NLGN4X: variants seen among roughly 807,000 people sequenced by gnomAD.
The protein encoded by NLGN4X is neuroligin 4 X-linked.
NLGN4X carries 3 observed loss-of-function variants against 40.3 expected under a neutral mutation model. That is an observed-to-expected ratio of 0.07 (90% CI 0.03 to 0.19). The LOEUF (loss-of-function observed/expected upper bound fraction) is 0.19. Ranked by LOEUF, NLGN4X falls within the 10% of genes least tolerant of loss-of-function variation. NLGN4X has a pLI of 1.00. For synonymous variants in NLGN4X, 270 were observed against 306.8 expected, an observed-to-expected ratio of 0.88 and a Z score of 1.25; for missense variants, 382 against 708.3, an observed-to-expected ratio of 0.54 and a Z score of 5.23.
At chrX:6,211,030 G>C (rs1246090186) in intron 1 of NLGN4X, among the ~76,000 whole-genome samples, 1 of 112,512 alleles carries the variant, frequency 8.9e-6, no homozygotes, top group African/African-American at 3.2e-5. Flanking sequence ...AAATATGAAT[G>C]AAGTTAGATA....
intron 4 of NLGN4X, among the ~76,000 whole-genome samples, chrX:5,905,808 T>A (rs1386019448): frequency 8.9e-6 from 1 of 111,962 alleles, no homozygotes; most frequent in Admixed American, 9.5e-5. Flanking sequence ...GCCTCCCAAG[T>A]AGCTGGGACA....
chrX:5,975,486 G>A (rs535696868), intron 3 of NLGN4X, among the ~76,000 whole-genome samples: 1 of 109,234 alleles, frequency 9.2e-6, no homozygotes, highest in Admixed American at 9.9e-5. Context: ...AGTGGTGGGT[G>A]CCTGTAATCC....
At chrX:6,052,801 A>G (rs916846606) in intron 2 of NLGN4X, among the ~76,000 whole-genome samples, 2 of 112,660 alleles carry the variant, frequency 1.8e-5, no homozygotes, top group Non-Finnish European at 3.7e-5. Context: ...ACAGCAGCAC[A>G]TTATTTCTGC....
intron 1 of NLGN4X, among the ~76,000 whole-genome samples, chrX:6,178,712 T>C (rs755165301): frequency 6.0e-4 from 68 of 112,607 alleles, no homozygotes; most frequent in Non-Finnish European, 1.3e-4. Context: ...GCCACCATCA[T>C]AGCCATCGTG....
chrX:5,904,078 C>T (rs1264353680), intron 4 of NLGN4X, among the ~76,000 whole-genome samples: 5 of 108,809 alleles, frequency 4.6e-5, no homozygotes, highest in African/African-American at 1.7e-4. Flanking sequence ...TGTTATTCTA[C>T]ACACACACAC....
chrX:6,091,335 T>C (rs1338966034), intron 2 of NLGN4X, among the ~76,000 whole-genome samples: 1 of 111,440 alleles, frequency 9.0e-6, no homozygotes, highest in Non-Finnish European at 1.9e-5. Flanking sequence ...AGCATCTTTT[T>C]AAAATAAGAT....
chrX:6,111,724 C>G (rs1012453823), intron 2 of NLGN4X, among the ~76,000 whole-genome samples: 2 of 111,054 alleles, frequency 1.8e-5, no homozygotes, highest in Non-Finnish European at 3.8e-5. Flanking sequence ...CCAGCCTGAG[C>G]AACAGAAAGA....
intron 2 of NLGN4X, among the ~76,000 whole-genome samples, chrX:6,111,849 C>A (rs977214554): frequency 9.0e-6 from 1 of 111,127 alleles, no homozygotes; most frequent in Non-Finnish European, 1.9e-5. Context: ...TATATCTTAC[C>A]CTGGGATATT....
At position 6,152,464 on chromosome X, in the gene NLGN4X, T is replaced by C. The variant is rs753862738; in HGVS notation, c.-305-693A>G. Reference sequence around the variant, plus strand: ...CTGTTTCTCAAATGTTTAAGGAAATTGTCACATTTTCCTAAGGAGACATGC... The same window carrying C: ...CTGTTTCTCAAATGTTTAAGGAAATCGTCACATTTTCCTAAGGAGACATGC... On this transcript the variant is annotated intron_variant, in intron 1 of 5. Coordinates refer to ENST00000381095, the MANE Select transcript of NLGN4X (RefSeq NM_181332.3). Among the ~76,000 whole-genome samples, 3 of 112,268 alleles carry C rather than the reference T, an allele frequency of 2.7e-5. No homozygotes were observed. The East Asian group carries it at 8.4e-4, about 31-fold the overall frequency.
Position 5,909,117 on chromosome X carries a change from T to C in NLGN4X, c.748A>G (p.Ile250Val). 8 of 1,211,497 alleles carry C rather than the reference T, an allele frequency of 6.6e-6. No homozygotes were observed. Among genetic ancestry groups the C allele is most frequent in the Non-Finnish European group, 7.8e-6 (7 of 895,479 alleles). Reference protein sequence around the residue: ...AFGGDPKRVTIFGSGAGASCV... With the variant: ...AFGGDPKRVTVFGSGAGASCV... ...GAGGCCCCAGCCCCCGAGCCAAAGATGGTCACTCTCTTGGGGTCCCCGCCA... is the reference window on the plus strand; with the variant it reads ...GAGGCCCCAGCCCCCGAGCCAAAGACGGTCACTCTCTTGGGGTCCCCGCCA... The change falls in exon 4 of 6, where the codon ATC becomes GTC. Residue 250 changes from isoleucine to valine, a missense_variant. This residue lies in a region of NLGN4X where 32 missense variants were observed against 85.2 expected (regional missense o/e 0.38). Coordinates refer to ENST00000381095, the MANE Select transcript of NLGN4X (RefSeq NM_181332.3).
At chrX:6,194,251 C>T (rs762071110) in intron 1 of NLGN4X, among the ~76,000 whole-genome samples, 1 of 112,027 alleles carries the variant, frequency 8.9e-6, no homozygotes, top group Admixed American at 9.5e-5. Flanking sequence ...CGGGTATAAA[C>T]CGCAATTATG....
At chrX:6,000,551 C>T (rs1443454075) in intron 3 of NLGN4X, among the ~76,000 whole-genome samples, 1 of 110,762 alleles carries the variant, frequency 9.0e-6, no homozygotes, top group Admixed American at 9.7e-5. Context: ...GTTGTGCCAT[C>T]GTCCTGTTGA....
chrX:5,972,319 G>T (rs941198743), intron 3 of NLGN4X, among the ~76,000 whole-genome samples: 1 of 111,059 alleles, frequency 9.0e-6, no homozygotes, highest in Non-Finnish European at 1.9e-5. Flanking sequence ...TAAATAATTT[G>T]CAATGTGTAC....
At chrX:6,033,317 A>T (rs1454765875) in intron 2 of NLGN4X, among the ~76,000 whole-genome samples, 1 of 111,980 alleles carries the variant, frequency 8.9e-6, no homozygotes, top group Non-Finnish European at 1.9e-5. Context: ...ATAAACATGC[A>T]ATCTCAAAAA....
chrX:6,170,010 A>G (rs1361068607), intron 1 of NLGN4X, among the ~76,000 whole-genome samples: 1 of 103,964 alleles, frequency 9.6e-6, no homozygotes, highest in Non-Finnish European at 2.0e-5. Flanking sequence ...ACTGGACAAG[A>G]TTTTTTTTTT....
At chrX:5,949,456 T>A (rs1250438366) in intron 3 of NLGN4X, among the ~76,000 whole-genome samples, 1 of 111,331 alleles carries the variant, frequency 9.0e-6, no homozygotes, top group Non-Finnish European at 1.9e-5. Context: ...TACAGGGAAT[T>A]TGAGAGGCTC....
intron 2 of NLGN4X, among the ~76,000 whole-genome samples, chrX:6,030,193 C>T (rs1302296284): frequency 1.8e-5 from 2 of 111,526 alleles, no homozygotes; most frequent in African/African-American, 6.5e-5. Context: ...GACTTGCAAC[C>T]AATGATTCCT....
At chrX:5,916,124 T>C (rs997679425) in intron 3 of NLGN4X, among the ~76,000 whole-genome samples, 3 of 111,202 alleles carry the variant, frequency 2.7e-5, no homozygotes, top group Non-Finnish European at 5.7e-5. Context: ...CCCAGGAAAA[T>C]GAAAATTGGA....
chrX:5,939,530 C>T (rs1436287994), intron 3 of NLGN4X, among the ~76,000 whole-genome samples: 4 of 111,403 alleles, frequency 3.6e-5, no homozygotes, highest in Non-Finnish European at 7.5e-5. Context: ...AGTGTCCATT[C>T]CATGATTCCT....
Sources: allele counts gnomAD v4.1 joint callset (sites outside exome capture counted in the v4.1 genomes callset), GRCh38; gene constraint gnomAD v4.1.1; regional missense constraint gnomAD v4.1.1; transcripts MANE v1.5; gene names NCBI Gene and HGNC (gene_info 2026-07-23, HGNC 2026-07-21).